The following REEP3 variants were observed in gnomAD, a reference collection of about 807,000 sequenced individuals.
REEP3 encodes the protein receptor expression-enhancing protein 3.
A neutral mutation model predicts 41.3 loss-of-function variants in REEP3; 20 were observed. The observed-to-expected ratio is 0.48, with a 90% CI of 0.34 to 0.70. The LOEUF (loss-of-function observed/expected upper bound fraction) is 0.70, where lower values mean the gene tolerates loss of function less well. Ranked by LOEUF, REEP3 falls within the 30% of genes least tolerant of loss-of-function variation. REEP3 has a pLI of 0.01. For missense variants in REEP3, 271 were observed against 308.8 expected, an observed-to-expected ratio of 0.88 and a Z score of 0.92; for synonymous variants, 104 against 101.8, an observed-to-expected ratio of 1.02 and a Z score of -0.13.
At chr10:63,597,287 C>T (rs1564488353) in intron 3 of REEP3, among the ~76,000 whole-genome samples, 1 of 152,064 alleles carries the variant, frequency 6.6e-6, no homozygotes, top group African/African-American at 2.4e-5. Flanking sequence ...AAGATGAAGA[C>T]GTGTGTGTAT....
chr10:63,583,462 G>A (rs888742875), intron 2 of REEP3, among the ~76,000 whole-genome samples: 5 of 152,146 alleles, frequency 3.3e-5, no homozygotes, highest in African/African-American at 1.2e-4. Context: ...CTAAAGAATG[G>A]AATTTTTCAT....
At chr10:63,582,609 T>A (rs1955964995) in intron 2 of REEP3, among the ~76,000 whole-genome samples, 1 of 152,218 alleles carries the variant, frequency 6.6e-6, no homozygotes, top group African/African-American at 2.4e-5. Flanking sequence ...TTTAGTAAAA[T>A]TAACTATAAG....
intron 2 of REEP3, among the ~76,000 whole-genome samples, chr10:63,591,800 A>G (rs1956066719): frequency 6.6e-6 from 1 of 152,222 alleles, no homozygotes; most frequent in African/African-American, 2.4e-5. Flanking sequence ...AATTCATTCC[A>G]CAATTCGTCA....
chr10:63,611,129 CAA>C (rs1249995264), intron 6 of REEP3, among the ~76,000 whole-genome samples: 2 of 152,154 alleles, frequency 1.3e-5, no homozygotes, highest in African/African-American at 4.8e-5. Context: ...ATCTAGCTAA[CAA>C]AGTAGCCTCT....
chr10:63,609,202 C>T (rs1192984295), intron 5 of REEP3, among the ~76,000 whole-genome samples: 1 of 151,900 alleles, frequency 6.6e-6, no homozygotes, highest in Non-Finnish European at 1.5e-5. Context: ...TCTGTAATCC[C>T]AGCACTTTGG....
chr10:63,620,393 A>C (rs1297973830), intron 7 of REEP3, among the ~76,000 whole-genome samples: 1 of 152,250 alleles, frequency 6.6e-6, no homozygotes, highest in Non-Finnish European at 1.5e-5. Context: ...ATGCATAAAC[A>C]AAGAAAGCAA....
intron 4 of REEP3, 132 bp downstream of exon 4, chr10:63,598,276 A>G (rs1956135485): frequency 3.9e-6 from 2 of 514,686 alleles, no homozygotes; most frequent in Admixed American, 3.3e-5. Flanking sequence ...GGCCAGGAAT[A>G]TGAGACCAGC....
intron 2 of REEP3, among the ~76,000 whole-genome samples, chr10:63,581,377 T>C (rs900480018): frequency 2.0e-5 from 3 of 152,218 alleles, no homozygotes; most frequent in African/African-American, 7.2e-5. Flanking sequence ...TGTAAAATGA[T>C]AAAGTTTTTT....
chr10:63,603,212 C>G (rs1589885426), intron 5 of REEP3, among the ~76,000 whole-genome samples: 1 of 147,442 alleles, frequency 6.8e-6, no homozygotes, highest in East Asian at 2.1e-4. Flanking sequence ...ACTCGGGAGG[C>G]TGAGGCAGGA....
At chr10:63,620,318 C>T (rs568353007) in intron 7 of REEP3, among the ~76,000 whole-genome samples, 1 of 152,306 alleles carries the variant, frequency 6.6e-6, no homozygotes, top group South Asian at 2.1e-4. Flanking sequence ...TAATCTTCTG[C>T]TATACGTAGA....
intron 1 of REEP3, among the ~76,000 whole-genome samples, chr10:63,545,446 C>T (rs919500972): frequency 2.0e-5 from 3 of 152,172 alleles, no homozygotes; most frequent in East Asian, 1.9e-4. Context: ...GCGGTCTCGG[C>T]TCACTGCAAC....
chr10:63,612,704 T>G (rs1272572555), intron 6 of REEP3, among the ~76,000 whole-genome samples: 1 of 151,352 alleles, frequency 6.6e-6, no homozygotes, highest in Non-Finnish European at 1.5e-5. Context: ...GGCAAGAGAA[T>G]CACTTGAACC....
intron 4 of REEP3, among the ~76,000 whole-genome samples, chr10:63,598,783 CAA>C (rs557044785): frequency 1.3e-4 from 15 of 117,300 alleles, no homozygotes; most frequent in South Asian, 3.0e-4. Flanking sequence ...GACTCCATCT[CAA>C]AAAAAAAAAA....
intron 1 of REEP3, among the ~76,000 whole-genome samples, chr10:63,555,424 T>C (rs938218930): frequency 6.6e-6 from 1 of 152,236 alleles, no homozygotes; most frequent in South Asian, 2.1e-4. Flanking sequence ...AAATTACATA[T>C]TATTTTGGCA....
At position 63,621,918 on chromosome 10, in the gene REEP3, A is replaced by G. The variant is rs1023248380; in HGVS notation, c.*1049A>G. 1.7e-4 allele frequency: 26 copies of G among 152,232 alleles called. No homozygotes were observed. The highest frequency in any genetic ancestry group is 2.9e-5 in the Non-Finnish European group (2 of 68,026). 9.4% of individuals were successfully genotyped at this position (152,232 alleles called of 1,614,324 possible). On this transcript the variant is annotated 3_prime_UTR_variant, in exon 8 of 8. Transcript: ENST00000373758. ...AACTGGCATTGACGAAAATCATTTG[A>G]ATCTCTTCTGGCTGAGATAATTTGC... is the stretch of plus-strand genomic sequence containing the variant.
In REEP3 at chr10:63,521,424, G is replaced by A. The variant is rs1213193175; in HGVS notation, c.-122G>A. 2.7e-6 allele frequency: 1 copy of A among 370,328 alleles called. No individual in the cohort carries two copies. The highest frequency in any genetic ancestry group is 8.8e-5 in the East Asian group (1 of 11,396). The allele number at this position is 370,328 out of a possible 1,614,324, so 22.9% of individuals were successfully genotyped here. A position where few individuals can be genotyped will look rare whatever the true frequency, so the allele number is the denominator to read the frequency against. On this transcript the variant is annotated 5_prime_UTR_variant, in exon 1 of 8. Transcript: ENST00000373758. Reference sequence around the variant, plus strand: ...GCACACACCGGGCCCGGCTCCTGAGGGCGCCAGCGCGGCCCCGGGGAGCGC... The same window carrying A: ...GCACACACCGGGCCCGGCTCCTGAGAGCGCCAGCGCGGCCCCGGGGAGCGC...
intron 5 of REEP3, among the ~76,000 whole-genome samples, chr10:63,603,113 A>G (rs1956188235): frequency 6.6e-6 from 1 of 151,742 alleles, no homozygotes; most frequent in Non-Finnish European, 1.5e-5. Context: ...GGAGATTGAG[A>G]CCATCCTGGC....
chr10:63,548,718 C>T (rs549196546), intron 1 of REEP3, among the ~76,000 whole-genome samples: 2 of 151,482 alleles, frequency 1.3e-5, no homozygotes, highest in South Asian at 4.2e-4. Context: ...GCGATGGGCC[C>T]TCCCATTGAA....
chr10:63,558,708 G>A (rs968781091), intron 1 of REEP3, among the ~76,000 whole-genome samples: 9 of 151,764 alleles, frequency 5.9e-5, no homozygotes, highest in Non-Finnish European at 1.3e-4. Context: ...ATGCCACTGC[G>A]TTCCAGCCTG....
Sources: gnomAD v4.1 joint callset for allele counts (sites outside exome capture counted in the v4.1 genomes callset) on GRCh38, gnomAD v4.1.1 for gene constraint, MANE v1.5 for transcripts, NCBI Gene and HGNC (gene_info 2026-07-23, HGNC 2026-07-21) for gene names.